CCNB2: variants seen among roughly 807,000 people sequenced by gnomAD.
The protein encoded by CCNB2 is cyclin B2, also known as G2/mitotic-specific cyclin-B2.
In CCNB2, 39 loss-of-function variants were observed where a neutral mutation model predicts 51.1. The ratio of observed to expected loss-of-function variants is 0.76; its 90% CI spans 0.59 to 1.00. CCNB2 has a LOEUF of 1.00. Ranked by LOEUF, CCNB2 falls within the 50% of genes least tolerant of loss-of-function variation. The probability of loss-of-function intolerance (pLI) is 0.00; values close to 1 mark genes in which losing one functional copy is unlikely to be tolerated. For missense variants in CCNB2, 472 were observed against 470.3 expected, an observed-to-expected ratio of 1.00 and a Z score of -0.03; for synonymous variants, 174 against 165.5, an observed-to-expected ratio of 1.05 and a Z score of -0.40.
chr15:59,107,805 G>GC, intron 3 of CCNB2, 135 bp downstream of exon 3: 1 of 664,832 alleles, frequency 1.5e-6, no homozygotes, highest in East Asian at 2.7e-5. Context: ...CAATAGTGTA[G>GC]GAAATGAGTA....
intron 3 of CCNB2, among the ~76,000 whole-genome samples, chr15:59,111,101 C>A (rs537819688): frequency 1.5e-3 from 230 of 152,340 alleles, no homozygotes; most frequent in African/African-American, 5.1e-3. Context: ...AAGGGTCTTA[C>A]AATAATTAAA....
intron 1 of CCNB2, among the ~76,000 whole-genome samples, chr15:59,106,443 C>A (rs2079235926): frequency 6.6e-6 from 1 of 152,108 alleles, no homozygotes; most frequent in Non-Finnish European, 1.5e-5. Flanking sequence ...CACTCAAACC[C>A]CTTGTTGGGA....
chr15:59,107,564 A>T lies in CCNB2; in HGVS notation c.161A>T (p.Gln54Leu). 6.2e-7 allele frequency: 1 copy of T among 1,614,206 alleles called. No individual in the cohort carries two copies. Among genetic ancestry groups the T allele is most frequent in the Non-Finnish European group, 8.5e-7 (1 of 1,180,008 alleles). The stretch of plus-strand genomic sequence containing the variant: ...GTTTCTTTTTCCTTATAGAAAGCTC[A>T]GAACACCAAAGTTCCAGTTCAACCC... ...TRAAQVAKKA[Q>L]NTKVPVQPTK... Residue 54 changes from glutamine to leucine, a missense_variant, in exon 3 of 9, where the codon CAG (glutamine) becomes CTG (leucine). Gln to Leu is a moderately radical substitution (Grantham distance 113). Transcript: ENST00000288207.
intron 8 of CCNB2, chr15:59,123,899 A>G (rs1207333499): frequency 2.7e-6 from 1 of 370,054 alleles, no homozygotes; most frequent in African/African-American, 2.1e-5. Flanking sequence ...TACTCAATGT[A>G]TTGAATTACT....
intron 3 of CCNB2, among the ~76,000 whole-genome samples, chr15:59,107,946 CTAT>C (rs2079242765): frequency 2.0e-5 from 3 of 152,028 alleles, no homozygotes; most frequent in Admixed American, 2.0e-4. Flanking sequence ...CTGCAATGTG[CTAT>C]AATGGTGCCA....
intron 3 of CCNB2, among the ~76,000 whole-genome samples, chr15:59,111,701 C>A (rs1414703762): frequency 6.6e-6 from 1 of 152,118 alleles, no homozygotes; most frequent in Non-Finnish European, 1.5e-5. Context: ...TTGCAGTTCC[C>A]AGAATTGCCT....
chr15:59,105,181 C>A lies in CCNB2; in HGVS notation c.-88C>A. On this transcript the variant is annotated 5_prime_UTR_variant, in exon 1 of 9. Transcript: ENST00000288207. ...AGCGCTGCGGGCTCGGAGAGCAGTC[C>A]TAACGGCGCCTCGTACGCTAGTGTC... 7.6e-7 allele frequency: 1 copy of A among 1,313,676 alleles called. No individual in the cohort carries two copies. Among genetic ancestry groups the A allele is most frequent in the Non-Finnish European group, 1.1e-6 (1 of 941,354 alleles). The allele number at this position is 1,313,676 out of a possible 1,614,324, so 81.4% of individuals were successfully genotyped here.
chr15:59,107,215 C>G (rs545824813), intron 1 of CCNB2, 107 bp from the exon 2 acceptor site: 1 of 986,956 alleles, frequency 1.0e-6, no homozygotes, highest in Non-Finnish European at 1.5e-6. Flanking sequence ...GCAAATAGAT[C>G]TTGACGTATT....
At chr15:59,113,896 T>C (rs1009650118) in intron 3 of CCNB2, among the ~76,000 whole-genome samples, 29 of 152,312 alleles carry the variant, frequency 1.9e-4, no homozygotes, top group Non-Finnish European at 4.0e-4. Context: ...GAGATGGGGT[T>C]TTGCCATATT....
chr15:59,114,512 C>T lies in CCNB2; in HGVS notation c.336C>T (p.Ala112=). 5.6e-6 allele frequency: 9 copies of T among 1,613,950 alleles called. No homozygotes were observed. The highest frequency in any genetic ancestry group is 7.6e-6 in the Non-Finnish European group (9 of 1,179,910). The stretch of plus-strand genomic sequence containing the variant: ...ATCTCTGCCAAGCTTTTTCTGATGC[C>T]TTGCTCTGCAAAATCGAGGACATTG... The part of the protein sequence containing the change: ...EENLCQAFSD[A]LLCKIEDIDN... The change falls in exon 4 of 9, where the codon GCC becomes GCT. Residue 112 remains alanine (A), a synonymous_variant. Transcript: ENST00000288207.
At chr15:59,110,868 A>G (rs1445957771) in intron 3 of CCNB2, among the ~76,000 whole-genome samples, 2 of 152,216 alleles carry the variant, frequency 1.3e-5, no homozygotes, top group East Asian at 3.8e-4. Context: ...CACAGTAGTT[A>G]GAAAGGACAT....
At chr15:59,120,353 C>T (rs182104780) in intron 7 of CCNB2, among the ~76,000 whole-genome samples, 179 of 152,156 alleles carry the variant, frequency 1.2e-3, no homozygotes, top group African/African-American at 4.2e-3. Context: ...GAGAGCTGGT[C>T]ATGGTAGCAT....
Position 59,124,518 on chromosome 15 carries a change from G to C in CCNB2, c.1087-249G>C. 1.0e-5 allele frequency: 5 copies of C among 479,374 alleles called. No individual in the cohort carries two copies. The South Asian group carries it at 1.1e-4, about 11-fold the overall frequency. The allele number at this position is 479,374 out of a possible 1,614,324, so 29.7% of individuals were successfully genotyped here. On this transcript the variant is annotated intron_variant, in intron 8 of 8. Transcript: ENST00000288207. ...TCTGGTAGCCTACAAGAGGAAGCCT[G>C]CTACTTGGACCTTGAAATCATTTGT...
chr15:59,117,351 C>A lies in CCNB2; in HGVS notation c.958C>A (p.Leu320Ile). ...TGCTTCCTGCTTGTCTCAGAAGGTT[C>A]TAGGACAAGGAAAATGGGTGAGTGG... is the stretch of plus-strand genomic sequence containing the variant. The part of the protein sequence containing the change: ...AAASCLSQKV[L>I]GQGKWNLKQQ... The change falls in exon 7 of 9, where the codon CTA becomes ATA. Residue 320 changes from leucine (L) to isoleucine (I), a missense_variant. Coordinates refer to ENST00000288207, the MANE Select transcript of CCNB2 (RefSeq NM_004701.4). The A allele has an allele frequency of 6.2e-7, 1 of 1,613,670 alleles. No homozygotes were observed. Among genetic ancestry groups the A allele is most frequent in the South Asian group, 1.1e-5 (1 of 91,052 alleles).
At chr15:59,117,044 T>A in intron 6 of CCNB2, 118 bp downstream of exon 6, 1 of 994,502 alleles carries the variant, frequency 1.0e-6, no homozygotes, top group Non-Finnish European at 1.5e-6. Context: ...GTCTTAATGC[T>A]TTCCTCATCA....
chr15:59,120,104 A>T (rs2079296078), intron 7 of CCNB2, among the ~76,000 whole-genome samples: 1 of 152,236 alleles, frequency 6.6e-6, no homozygotes, highest in Non-Finnish European at 1.5e-5. Context: ...ATGTTTTGGA[A>T]ATAACAGCAA....
chr15:59,114,424 G>A lies in CCNB2; in HGVS notation c.268-20G>A. 1 of 1,558,476 alleles carries A rather than the reference G, an allele frequency of 6.4e-7. No individual in the cohort carries two copies. Among genetic ancestry groups the A allele is most frequent in the African/African-American group, 1.4e-5 (1 of 72,952 alleles). Reference sequence around the variant, plus strand: ...TATGGTTAAGGCTGCTCCTACATGTGCCTAAATTTGTTGGTGTAGGGTCCT... The same window carrying A: ...TATGGTTAAGGCTGCTCCTACATGTACCTAAATTTGTTGGTGTAGGGTCCT... On this transcript the variant is annotated intron_variant, in intron 3 of 8. Transcript: ENST00000288207.
At chr15:59,116,056 T>A (rs1377545953) in intron 5 of CCNB2, 1 of 151,716 alleles carries the variant, frequency 6.6e-6, no homozygotes, top group Non-Finnish European at 1.5e-5. Flanking sequence ...ATAATGAGAG[T>A]TGAAGCAAGA....
At position 59,123,628 on chromosome 15, in the gene CCNB2, G is replaced by A. The variant is rs537405080; in HGVS notation, c.1086+1G>A. ...AAATGAAAACTTAACTAAATTCATC[G>A]TAAGTACTACTGTTTTCTTAAGCTG... On this transcript the variant is annotated splice_donor_variant, in intron 8 of 8. Coordinates refer to ENST00000288207, the MANE Select transcript of CCNB2 (RefSeq NM_004701.4). LOFTEE classifies it high-confidence loss of function. The A allele has an allele frequency of 9.2e-6, 14 of 1,527,098 alleles. No individual in the cohort carries two copies. Among genetic ancestry groups the A allele is most frequent in the Middle Eastern group, 1.7e-4 (1 of 5,764 alleles). 94.6% of individuals were successfully genotyped at this position (1,527,098 alleles called of 1,614,324 possible). A position where few individuals can be genotyped will look rare whatever the true frequency, so the allele number is the denominator to read the frequency against.
Sources: allele counts gnomAD v4.1 joint callset (sites outside exome capture counted in the v4.1 genomes callset), GRCh38; gene constraint gnomAD v4.1.1; transcripts MANE v1.5; gene names NCBI Gene and HGNC (gene_info 2026-07-23, HGNC 2026-07-21).